Variants in PCNX1 observed in about 807,000 individuals in gnomAD.
PCNX1 encodes pecanex 1, also known as pecanex-like protein 1.
A neutral mutation model predicts 242.2 loss-of-function variants in PCNX1; 78 were observed. The observed-to-expected ratio is 0.32, with a 90% confidence interval of 0.27 to 0.39. The LOEUF (loss-of-function observed/expected upper bound fraction) is 0.39. Ranked by LOEUF, PCNX1 falls within the 10% of genes least tolerant of loss-of-function variation. The pLI is 1.00. For missense variants in PCNX1, 2,581 were observed against 2,856.5 expected (o/e 0.90, Z 2.20); for synonymous variants, 1,024 against 1,032.9 (o/e 0.99, Z 0.17).
chr14:71,113,421 A>T lies in PCNX1; in HGVS notation c.*3486A>T, dbSNP rs956028515. The T allele has an allele frequency of 2.0e-5, 3 of 152,652 alleles. No homozygotes were observed. Among genetic ancestry groups the T allele is most frequent in the Non-Finnish European group, 2.9e-5 (2 of 68,042 alleles). 9.5% of individuals were successfully genotyped at this position (152,652 alleles called of 1,614,324 possible). On this transcript the variant is annotated 3_prime_UTR_variant, in exon 36 of 36. Coordinates refer to ENST00000304743, the MANE Select transcript of PCNX1 (RefSeq NM_014982.3). The stretch of plus-strand genomic sequence containing the variant: ...TTTGTGTAGAAAACCCATTAAGAAG[A>T]TGTGTTTTTCTTTCTGAATTAGTTT...
chr14:70,917,834 C>T (rs2056211112), intron 1 of PCNX1, among the ~76,000 whole-genome samples: 1 of 152,184 alleles, frequency 6.6e-6, no homozygotes, highest in Non-Finnish European at 1.5e-5. Context: ...ATGGCATATT[C>T]TTCCAGAAGG....
chr14:71,076,581 T>A (rs1469378322), intron 28 of PCNX1, among the ~76,000 whole-genome samples, 162 bp downstream of exon 28: 1 of 152,204 alleles, frequency 6.6e-6, no homozygotes, highest in Non-Finnish European at 1.5e-5. Flanking sequence ...CCAAACCAGC[T>A]CTGCCAAAAC....
At chr14:71,014,897 C>G (rs1333252672) in intron 11 of PCNX1, among the ~76,000 whole-genome samples, 1 of 152,016 alleles carries the variant, frequency 6.6e-6, no homozygotes, top group Non-Finnish European at 1.5e-5. Flanking sequence ...GCATAAAATG[C>G]TTGAATAAAA....
At chr14:71,052,803 T>TA (rs747589299) in intron 24 of PCNX1, among the ~76,000 whole-genome samples, 6 of 152,208 alleles carry the variant, frequency 3.9e-5, no homozygotes, top group South Asian at 2.1e-4. Flanking sequence ...TTCCTTGGGC[T>TA]AGCTACTTAA....
intron 1 of PCNX1, among the ~76,000 whole-genome samples, chr14:70,930,578 T>C (rs1218283162): frequency 2.0e-5 from 3 of 152,012 alleles, no homozygotes; most frequent in Non-Finnish European, 4.4e-5. Flanking sequence ...AAAGATAATA[T>C]CTATTATTTT....
In PCNX1 at chr14:71,103,416, G is replaced by A; in HGVS notation, c.5842G>A (p.Gly1948Ser). The A allele has an allele frequency of 2.5e-6, 4 of 1,614,176 alleles. No individual in the cohort carries two copies. Among genetic ancestry groups the A allele is most frequent in the Non-Finnish European group, 3.4e-6 (4 of 1,180,008 alleles). The change falls in exon 32 of 36, where the codon GGT (glycine) becomes AGT (serine). Residue 1948 changes from glycine (G) to serine (S), a missense_variant. Gly to Ser is a moderately conservative substitution (Grantham distance 56, BLOSUM62 0). This residue lies in a region of PCNX1 where 298 missense variants were observed against 480.1 expected (regional missense o/e 0.62). Transcript: ENST00000304743. The stretch of plus-strand genomic sequence containing the variant: ...TCAGGTGAATAAGGAATGTGTCCGA[G>A]GTCTTTGGGCAGGGCAACAGCAGGA... ...VIKVNKECVR[G>S]LWAGQQQELV...
intron 1 of PCNX1, among the ~76,000 whole-genome samples, chr14:70,908,915 G>A (rs2139971846): frequency 6.6e-6 from 1 of 152,314 alleles, no homozygotes; most frequent in East Asian, 1.9e-4. Flanking sequence ...GGTTAGGGTG[G>A]GGCGTTAGGG....
chr14:70,952,799 C>G, intron 2 of PCNX1, among the ~76,000 whole-genome samples: 1 of 152,064 alleles, frequency 6.6e-6, no homozygotes, highest in Non-Finnish European at 1.5e-5. Flanking sequence ...GTTTATAGGG[C>G]ATTTTCATGT....
At chr14:70,983,490 A>C (rs954197315) in intron 6 of PCNX1, among the ~76,000 whole-genome samples, 2 of 152,194 alleles carry the variant, frequency 1.3e-5, no homozygotes, top group Non-Finnish European at 2.9e-5. Flanking sequence ...TTTTTAGTAG[A>C]GATGGGGTTT....
intron 1 of PCNX1, among the ~76,000 whole-genome samples, chr14:70,920,484 T>C (rs928521324): frequency 3.3e-4 from 51 of 152,332 alleles, no homozygotes; most frequent in African/African-American, 1.2e-3. Flanking sequence ...ACATCTATGA[T>C]AGATACATTT....
At position 70,977,671 on chromosome 14, in the gene PCNX1, G is replaced by A. The variant is rs185651804; in HGVS notation, c.1334G>A (p.Ser445Asn). Residue 445 changes from serine to asparagine, a missense_variant, in exon 6 of 36, where the codon AGT (serine) becomes AAT (asparagine). Physicochemically the swap from Ser to Asn is conservative, Grantham distance 46. Coordinates refer to ENST00000304743, the MANE Select transcript of PCNX1 (RefSeq NM_014982.3). ...AGPEEKNSCA[S>N]DKRTSSEKIA... ...CCAGAGGAGAAGAATAGCTGTGCCAGTGACAAAAGGACTAGCAGTGAAAAG... is the reference window on the plus strand; with the variant it reads ...CCAGAGGAGAAGAATAGCTGTGCCAATGACAAAAGGACTAGCAGTGAAAAG... 16 of 1,614,152 alleles carry A rather than the reference G, an allele frequency of 9.9e-6. No individual in the cohort carries two copies. In the Admixed American group the frequency reaches 1.5e-4, roughly 15 times the overall value.
chr14:71,012,774 G>A (rs1214451242), intron 10 of PCNX1: 11 of 476,502 alleles, frequency 2.3e-5, no homozygotes, highest in Non-Finnish European at 4.1e-5. Flanking sequence ...AGAGGTTGCA[G>A]TGAGCCGAGA....
intron 12 of PCNX1, among the ~76,000 whole-genome samples, chr14:71,021,301 T>C (rs1310048589): frequency 6.6e-6 from 1 of 152,156 alleles, no homozygotes. Context: ...TGTAAGAAAG[T>C]CAGTGGTAGC....
chr14:71,019,244 A>C, intron 12 of PCNX1, 82 bp downstream of exon 12: 1 of 1,059,516 alleles, frequency 9.4e-7, no homozygotes, highest in South Asian at 1.9e-5. Flanking sequence ...ACTGAATTAT[A>C]GTAAGATAAT....
chr14:70,977,344 C>T lies in PCNX1; in HGVS notation c.1007C>T (p.Ser336Phe), dbSNP rs1317364763. 1 of 1,614,124 alleles carries T rather than the reference C, an allele frequency of 6.2e-7. No individual in the cohort carries two copies. ...TCCTTGGTGGAAAATTCTGGTTTAT[C>T]TGGGGAATTTCAGCTTGCTGGTGAC... ...KESLVENSGL[S>F]GEFQLAGDLK... The change falls in exon 6 of 36, where the codon TCT (serine) becomes TTT (phenylalanine). Residue 336 changes from serine to phenylalanine, a missense_variant. Around this residue, in one of 9 missense-constraint regions of PCNX1, gnomAD observed 1,204 missense variants for 1,216.7 expected, o/e 0.99. Transcript: ENST00000304743.
intron 29 of PCNX1, among the ~76,000 whole-genome samples, 159 bp from the exon 30 acceptor site, chr14:71,089,033 C>T (rs1015713724): frequency 2.6e-5 from 4 of 152,146 alleles, no homozygotes; most frequent in Non-Finnish European, 5.9e-5. Flanking sequence ...CGGACAGGCC[C>T]TGTCTCTTGT....
At position 70,933,622 on chromosome 14, in the gene PCNX1, T is replaced by C. The variant is rs182905344; in HGVS notation, c.154-13293T>C. The stretch of plus-strand genomic sequence containing the variant: ...TCTACAAACTGAAGTATATGTTGTT[T>C]TGGCCCTAAGAAAAAAGTTTGCTGA... On this transcript the variant is annotated intron_variant, in intron 1 of 35. Coordinates refer to ENST00000304743, the MANE Select transcript of PCNX1 (RefSeq NM_014982.3). Among the ~76,000 whole-genome samples the C allele has an allele frequency of 8.9e-3, 1,355 of 152,294 alleles. 10 individuals are homozygous for C. The highest frequency in any genetic ancestry group is 0.015 in the Non-Finnish European group (987 of 68,014).
chr14:70,939,279 A>G (rs2057136184), intron 1 of PCNX1, among the ~76,000 whole-genome samples: 2 of 152,234 alleles, frequency 1.3e-5, no homozygotes, highest in Admixed American at 1.3e-4. Context: ...AGTGCTATAA[A>G]TTTCCCTCTA....
chr14:70,915,672 A>G, intron 1 of PCNX1, among the ~76,000 whole-genome samples: 1 of 152,214 alleles, frequency 6.6e-6, no homozygotes, highest in East Asian at 1.9e-4. Flanking sequence ...TATTTAGAAA[A>G]CAGTAGGGTG....
Sources: allele counts gnomAD v4.1 joint callset (sites outside exome capture counted in the v4.1 genomes callset), GRCh38; gene constraint gnomAD v4.1.1; regional missense constraint gnomAD v4.1.1; transcripts MANE v1.5; gene names NCBI Gene and HGNC (gene_info 2026-07-23, HGNC 2026-07-21).